The following WHRN variants were observed in gnomAD, a reference collection of about 807,000 sequenced individuals.
WHRN encodes the protein whirlin, also known as CASK-interacting protein CIP98.
In WHRN, 41 loss-of-function variants were observed where a neutral mutation model predicts 68.3. That is an observed-to-expected ratio of 0.60 (90% CI 0.47 to 0.78). WHRN has a LOEUF of 0.78. WHRN is among the 30% of genes least tolerant of loss of function. The pLI, the probability that WHRN is intolerant of heterozygous loss-of-function variation, is 0.00. For synonymous variants in WHRN, 560 were observed against 561.3 expected, an observed-to-expected ratio of 1.00 and a Z score of 0.03; for missense variants, 1,243 against 1,244.7, an observed-to-expected ratio of 1.00 and a Z score of 0.02.
chr9:114,468,740 C>T (rs1467795952), intron 2 of WHRN, among the ~76,000 whole-genome samples: 1 of 152,050 alleles, frequency 6.6e-6, no homozygotes, highest in African/African-American at 2.4e-5. Flanking sequence ...CATGCAGCCA[C>T]TGGTTAGACA....
chr9:114,504,274 T>A lies in WHRN; in HGVS notation c.528A>T (p.Leu176=). The part of the protein sequence containing the change: ...IYVSLVEPGS[L]AEKEGLRVGD... Reference sequence around the variant, plus strand: ...CGACCCGCAGTCCTTCCTTCTCAGCTAGAGAGCCTGGTTCCACCAGAGACA... The same window carrying A: ...CGACCCGCAGTCCTTCCTTCTCAGCAAGAGAGCCTGGTTCCACCAGAGACA... Residue 176 remains leucine (L), a synonymous_variant, in exon 1 of 12, where the codon CTA becomes CTT. Coordinates refer to ENST00000362057, the MANE Select transcript of WHRN (RefSeq NM_015404.4). The A allele has an allele frequency of 6.2e-7, 1 of 1,614,056 alleles. No individual in the cohort carries two copies. The highest frequency in any genetic ancestry group is 8.5e-7 in the Non-Finnish European group (1 of 1,180,022).
chr9:114,465,633 G>A (rs1189717408), intron 3 of WHRN, among the ~76,000 whole-genome samples: 1 of 152,188 alleles, frequency 6.6e-6, no homozygotes, highest in Non-Finnish European at 1.5e-5. Context: ...AAGTTCCCGG[G>A]CTACCCTGCA....
intron 2 of WHRN, among the ~76,000 whole-genome samples, chr9:114,470,353 C>T (rs966435919): frequency 1.3e-5 from 2 of 152,136 alleles, no homozygotes; most frequent in African/African-American, 4.8e-5. Flanking sequence ...ACACACAGGA[C>T]AGCGTGCAGC....
intron 7 of WHRN, 122 bp downstream of exon 7, chr9:114,423,192 G>C (rs1252001736): frequency 9.6e-7 from 1 of 1,043,538 alleles, no homozygotes; most frequent in Non-Finnish European, 1.5e-6. Flanking sequence ...GGCTCAGAGA[G>C]GCAAGGCACA....
At chr9:114,445,515 C>A (rs1838741727) in intron 3 of WHRN, among the ~76,000 whole-genome samples, 1 of 152,106 alleles carries the variant, frequency 6.6e-6, no homozygotes, top group Non-Finnish European at 1.5e-5. Flanking sequence ...TATACAAAGA[C>A]CAGACTGTCA....
intron 7 of WHRN, among the ~76,000 whole-genome samples, chr9:114,421,888 G>A (rs899825118): frequency 6.6e-6 from 1 of 152,290 alleles, no homozygotes. Flanking sequence ...GGACATCCCA[G>A]GAAGGGGATG....
At chr9:114,463,767 T>C (rs1401620968) in intron 3 of WHRN, among the ~76,000 whole-genome samples, 4 of 152,118 alleles carry the variant, frequency 2.6e-5, no homozygotes, top group Admixed American at 2.6e-4. Flanking sequence ...AAAGCATCAC[T>C]CCTACCTGCT....
At chr9:114,422,928 C>T (rs1589102826) in intron 7 of WHRN, among the ~76,000 whole-genome samples, 1 of 152,180 alleles carries the variant, frequency 6.6e-6, no homozygotes, top group African/African-American at 2.4e-5. Flanking sequence ...AGTTACCATG[C>T]CCACTACCAT....
chr9:114,490,415 G>A (rs7873098), intron 1 of WHRN, among the ~76,000 whole-genome samples: 149,054 of 152,336 alleles, frequency 0.98, 72,995 homozygotes, highest in East Asian at 1. Flanking sequence ...GTTTTCTTTA[G>A]TGCTATTTAG....
intron 1 of WHRN, among the ~76,000 whole-genome samples, chr9:114,498,313 A>C (rs1387463160): frequency 2.6e-5 from 4 of 152,182 alleles, no homozygotes; most frequent in African/African-American, 9.7e-5. Context: ...CAGGACACTA[A>C]AGCCAGGCAA....
chr9:114,423,219 G>T, intron 7 of WHRN, 95 bp downstream of exon 7: 1 of 1,300,164 alleles, frequency 7.7e-7, no homozygotes, highest in Non-Finnish European at 1.1e-6. Context: ...GTAAGTGGTG[G>T]TGCTGGGATT....
intron 3 of WHRN, among the ~76,000 whole-genome samples, chr9:114,436,352 T>A (rs1837847953): frequency 6.6e-6 from 1 of 152,196 alleles, no homozygotes; most frequent in Non-Finnish European, 1.5e-5. Context: ...ATATAAAGTA[T>A]GGACTAATAA....
intron 3 of WHRN, among the ~76,000 whole-genome samples, chr9:114,435,872 A>G (rs745715003): frequency 2.7e-5 from 4 of 147,152 alleles, no homozygotes; most frequent in Non-Finnish European, 6.0e-5. Flanking sequence ...CTATATGAAG[A>G]AAACTTCACA....
At chr9:114,405,724 G>A (rs751978554) in intron 9 of WHRN, among the ~76,000 whole-genome samples, 5 of 152,208 alleles carry the variant, frequency 3.3e-5, no homozygotes, top group Admixed American at 6.5e-5. Context: ...AATGTCCTAC[G>A]GGGCCTATGT....
intron 7 of WHRN, among the ~76,000 whole-genome samples, chr9:114,422,762 G>C (rs1329467631): frequency 3.9e-5 from 6 of 152,116 alleles, no homozygotes; most frequent in Non-Finnish European, 8.8e-5. Flanking sequence ...TTGAACTGGG[G>C]AGGTGGAGGT....
chr9:114,487,202 T>G (rs1220763881), intron 1 of WHRN, among the ~76,000 whole-genome samples: 1 of 150,190 alleles, frequency 6.7e-6, no homozygotes, highest in Admixed American at 6.6e-5. Context: ...TTTTTTTTTT[T>G]TTGTCTAACA....
At position 114,503,147 on chromosome 9, in the gene WHRN, C is replaced by T. The variant is rs536265032; in HGVS notation, c.618+1037G>A. ...TGAACGGCACTCAGGAGGAAGTAGT[C>T]GTGGGCCTCTGCTGCCTAGGAGTTT... On this transcript the variant is annotated intron_variant, in intron 1 of 11. Coordinates refer to ENST00000362057, the MANE Select transcript of WHRN (RefSeq NM_015404.4). 4 of 985,434 alleles carry T rather than the reference C, an allele frequency of 4.1e-6. No individual in the cohort carries two copies. The African/African-American group carries it at 5.2e-5, about 13-fold the overall frequency. The allele number at this position is 985,434 out of a possible 1,614,324, so 61.0% of individuals were successfully genotyped here.
At chr9:114,425,952 G>T (rs745492488) in intron 4 of WHRN, 33 of 549,716 alleles carry the variant, frequency 6.0e-5, no homozygotes, top group Non-Finnish European at 9.2e-5. Context: ...AGCAACTAAG[G>T]TCTATAGAAT....
chr9:114,499,717 G>C (rs1404151433), intron 1 of WHRN, among the ~76,000 whole-genome samples: 1 of 152,246 alleles, frequency 6.6e-6, no homozygotes, highest in East Asian at 1.9e-4. Context: ...CAGGCAGGCT[G>C]TGTACCGCTG....
Sources: gnomAD v4.1 joint callset for allele counts (sites outside exome capture counted in the v4.1 genomes callset) on GRCh38, gnomAD v4.1.1 for gene constraint, MANE v1.5 for transcripts, NCBI Gene and HGNC (gene_info 2026-07-23, HGNC 2026-07-21) for gene names.